PTPRD: variants seen among roughly 807,000 people sequenced by gnomAD.
PTPRD encodes the protein protein tyrosine phosphatase receptor type D, also known as receptor-type tyrosine-protein phosphatase delta.
PTPRD carries 34 observed loss-of-function variants against 214.5 expected under a neutral mutation model. That is an observed-to-expected ratio of 0.16 (90% CI 0.12 to 0.21). PTPRD has a LOEUF of 0.21. Among genes scored for constraint, PTPRD ranks in the 10% least tolerant of loss-of-function variants. PTPRD has a pLI of 1.00. For synonymous variants in PTPRD, 1,128 were observed against 845.7 expected (o/e 1.33, Z -5.79); for missense variants, 2,545 against 2,398.7 (o/e 1.06, Z -1.27).
At chr9:10,405,533 A>G (rs1242565495) in intron 2 of PTPRD, among the ~76,000 whole-genome samples, 7 of 9,322 alleles carry the variant, frequency 7.5e-4, no homozygotes. Flanking sequence ...CAAGGAAATA[A>G]AATAAAAGCA....
intron 10 of PTPRD, among the ~76,000 whole-genome samples, chr9:9,034,710 T>A (rs1389912497): frequency 6.6e-6 from 1 of 152,082 alleles, no homozygotes; most frequent in Non-Finnish European, 1.5e-5. Context: ...ATTTACTAGC[T>A]CTGTGTCCAG....
At chr9:9,005,065 A>T (rs2099454186) in intron 11 of PTPRD, among the ~76,000 whole-genome samples, 1 of 152,054 alleles carries the variant, frequency 6.6e-6, no homozygotes, top group Non-Finnish European at 1.5e-5. Context: ...TCTAGTGCAT[A>T]TATTTTGAAT....
intron 39 of PTPRD, among the ~76,000 whole-genome samples, chr9:8,374,126 G>A (rs1216399768): frequency 1.3e-5 from 1 of 77,824 alleles, no homozygotes; most frequent in Non-Finnish European, 2.1e-5. Context: ...GTGTGTGTGT[G>A]TGTGTGTGTG....
In PTPRD at chr9:10,301,205, G is replaced by C. The variant is rs1218426722; in HGVS notation, c.-545+39758C>G. Reference sequence around the variant, plus strand: ...CTGTTAGGAGGAAAACTAACAAACAGAAAGGAAGAGCATCAACATCAACAA... The same window carrying C: ...CTGTTAGGAGGAAAACTAACAAACACAAAGGAAGAGCATCAACATCAACAA... On this transcript the variant is annotated intron_variant, in intron 3 of 45. Transcript: ENST00000381196. 2.0e-5 allele frequency among the ~76,000 whole-genome samples: 3 copies of C among 152,104 alleles called. No homozygotes were observed. In the East Asian group the frequency reaches 5.8e-4, roughly 29 times the overall value.
intron 31 of PTPRD, among the ~76,000 whole-genome samples, chr9:8,469,912 A>G (rs1016099268): frequency 2.0e-5 from 3 of 152,148 alleles, no homozygotes; most frequent in Non-Finnish European, 2.9e-5. Flanking sequence ...CTTTCTGGTC[A>G]GATCACAGTC....
At chr9:8,668,326 G>C (rs191648523) in intron 12 of PTPRD, among the ~76,000 whole-genome samples, 228 of 152,242 alleles carry the variant, frequency 1.5e-3, no homozygotes, top group Non-Finnish European at 2.1e-3. Flanking sequence ...TCAAAAAATA[G>C]ATCAAATTAG....
At chr9:9,674,730 A>G (rs2096897050) in intron 7 of PTPRD, among the ~76,000 whole-genome samples, 1 of 151,852 alleles carries the variant, frequency 6.6e-6, no homozygotes, top group Non-Finnish European at 1.5e-5. Context: ...TCACTACATT[A>G]TGATAAAATA....
chr9:9,335,940 G>A (rs1356891856), intron 9 of PTPRD, among the ~76,000 whole-genome samples: 3 of 151,838 alleles, frequency 2.0e-5, no homozygotes, highest in East Asian at 1.9e-4. Context: ...CCAATAATAG[G>A]AGAGATCATA....
chr9:8,809,710 G>A (rs536878217), intron 11 of PTPRD, among the ~76,000 whole-genome samples: 50 of 152,126 alleles, frequency 3.3e-4, no homozygotes, highest in African/African-American at 1.1e-3. Context: ...TTTACTCTGC[G>A]TACAAATCCA....
intron 10 of PTPRD, among the ~76,000 whole-genome samples, chr9:9,153,664 A>T (rs568482929): frequency 1.3e-5 from 2 of 152,298 alleles, no homozygotes; most frequent in African/African-American, 4.8e-5. Context: ...CTAGGTCTCT[A>T]CAAAACACGT....
intron 10 of PTPRD, among the ~76,000 whole-genome samples, chr9:9,051,914 C>A (rs1270178450): frequency 6.6e-6 from 1 of 152,158 alleles, no homozygotes; most frequent in Non-Finnish European, 1.5e-5. Flanking sequence ...CATAATGAAT[C>A]TAAAATAAAT....
intron 11 of PTPRD, among the ~76,000 whole-genome samples, chr9:8,971,531 T>C (rs2099238311): frequency 6.6e-6 from 1 of 151,618 alleles, no homozygotes; most frequent in African/African-American, 2.4e-5. Context: ...TGAATTGATA[T>C]AGGTAAGTGT....
intron 10 of PTPRD, among the ~76,000 whole-genome samples, chr9:9,028,574 C>A (rs968387080): frequency 6.6e-6 from 1 of 151,970 alleles, no homozygotes; most frequent in African/African-American, 2.4e-5. Flanking sequence ...TTTATTTAAT[C>A]CTATAGTAAC....
intron 9 of PTPRD, among the ~76,000 whole-genome samples, chr9:9,282,166 G>A (rs1485416764): frequency 6.6e-6 from 1 of 151,324 alleles, no homozygotes; most frequent in African/African-American, 2.4e-5. Flanking sequence ...ATATGAGACT[G>A]TAATGGTGGA....
chr9:9,667,578 G>C (rs192540084), intron 7 of PTPRD, among the ~76,000 whole-genome samples: 1 of 152,252 alleles, frequency 6.6e-6, no homozygotes, highest in Non-Finnish European at 1.5e-5. Context: ...AACCCTAAAA[G>C]TGAATTCATT....
intron 9 of PTPRD, among the ~76,000 whole-genome samples, chr9:9,254,536 G>T (rs1189142747): frequency 2.6e-5 from 4 of 151,970 alleles, no homozygotes; most frequent in Admixed American, 6.6e-5. Flanking sequence ...TATAACAAAA[G>T]ATTCTCTTTC....
rs768290098 is a variant in PTPRD, at chr9:9,982,243, T to C, written c.-471-43633A>G. Among the ~76,000 whole-genome samples, 3 of 152,312 alleles carry C rather than the reference T, an allele frequency of 2.0e-5. No individual in the cohort carries two copies. In the East Asian group the frequency reaches 5.8e-4, roughly 29 times the overall value. ...TGAGGCACTTAGCCAGTCGTCTTTATATTCATCTTTGTCACTGAACAGATC... is the reference window on the plus strand; with the variant it reads ...TGAGGCACTTAGCCAGTCGTCTTTACATTCATCTTTGTCACTGAACAGATC... On this transcript the variant is annotated intron_variant, in intron 4 of 45. Transcript: ENST00000381196.
At chr9:9,534,055 T>G (rs7035012) in intron 8 of PTPRD, among the ~76,000 whole-genome samples, 4,496 of 151,910 alleles carry the variant, frequency 0.03, 213 homozygotes, top group African/African-American at 0.1. Flanking sequence ...ACACTAGCAA[T>G]AAAACCATAG....
intron 2 of PTPRD, among the ~76,000 whole-genome samples, chr9:10,561,624 T>A (rs1444744770): frequency 2.0e-5 from 3 of 152,150 alleles, no homozygotes; most frequent in Non-Finnish European, 4.4e-5. Flanking sequence ...ATCTGTGTGG[T>A]GATTCAGTTC....
Sources: allele counts gnomAD v4.1 joint callset (sites outside exome capture counted in the v4.1 genomes callset), GRCh38; gene constraint gnomAD v4.1.1; transcripts MANE v1.5; gene names NCBI Gene and HGNC (gene_info 2026-07-23, HGNC 2026-07-21).